BLK: variants seen among roughly 807,000 people sequenced by gnomAD.
BLK encodes the protein tyrosine-protein kinase Blk.
BLK carries 64 observed loss-of-function variants against 61.8 expected under a neutral mutation model. The observed-to-expected ratio is 1.03, with a 90% confidence interval of 0.85 to 1.27. BLK has a LOEUF of 1.27. BLK is among the 50% of genes most tolerant of loss of function. The pLI, the probability that BLK is intolerant of heterozygous loss-of-function variation, is 0.00. For missense variants in BLK, 853 were observed against 660.5 expected, an observed-to-expected ratio of 1.29 and a Z score of -3.19; for synonymous variants, 351 against 272.0, an observed-to-expected ratio of 1.29 and a Z score of -2.86.
chr8:11,506,901 C>T (rs1296277739), intron 1 of BLK, among the ~76,000 whole-genome samples: 3 of 152,208 alleles, frequency 2.0e-5, no homozygotes, highest in Non-Finnish European at 4.4e-5. Context: ...CTCTCAGTCA[C>T]GGGCTGAAAG....
chr8:11,498,782 T>C (rs916133122), intron 1 of BLK, among the ~76,000 whole-genome samples: 1 of 152,230 alleles, frequency 6.6e-6, no homozygotes, highest in African/African-American at 2.4e-5. Flanking sequence ...TCTTCATTCA[T>C]TGATAATAGC....
At chr8:11,559,394 C>T (rs945651849) in intron 10 of BLK, among the ~76,000 whole-genome samples, 2 of 107,334 alleles carry the variant, frequency 1.9e-5, no homozygotes, top group African/African-American at 3.5e-5. Context: ...CACACACAGA[C>T]AGACACACAC....
chr8:11,546,694 G>A (rs529818936), intron 3 of BLK, among the ~76,000 whole-genome samples: 2 of 152,314 alleles, frequency 1.3e-5, no homozygotes, highest in East Asian at 3.9e-4. Context: ...TCCTGCCTCA[G>A]CCTCCCAAGT....
chr8:11,516,719 C>T (rs73209286), intron 1 of BLK, among the ~76,000 whole-genome samples: 19,514 of 152,190 alleles, frequency 0.13, 1,547 homozygotes, highest in East Asian at 0.25. Flanking sequence ...TCACTTAGCA[C>T]AATGCCTTCA....
Position 11,564,391 on chromosome 8 carries a change from G to T in BLK, c.*283G>T. On this transcript the variant is annotated 3_prime_UTR_variant, in exon 13 of 13. Transcript: ENST00000259089. ...GTACTAAGCCCCAGTAAGGTGTTCA[G>T]GACTGGTAAGCGACTGTCATCAAGT... 1.5e-6 allele frequency: 1 copy of T among 658,308 alleles called. No individual in the cohort carries two copies. The highest frequency in any genetic ancestry group is 2.4e-4 in the Middle Eastern group (1 of 4,162). The allele number at this position is 658,308 out of a possible 1,614,324, so 40.8% of individuals were successfully genotyped here.
intron 10 of BLK, among the ~76,000 whole-genome samples, chr8:11,558,241 C>T (rs969102026): frequency 3.9e-5 from 6 of 152,052 alleles, no homozygotes; most frequent in Non-Finnish European, 2.9e-5. Context: ...TCCTGCCCCA[C>T]GCAGCTGTGA....
chr8:11,516,156 C>G (rs1030963336), intron 1 of BLK, among the ~76,000 whole-genome samples: 2 of 152,182 alleles, frequency 1.3e-5, no homozygotes, highest in African/African-American at 4.8e-5. Context: ...AGGAGAGAGT[C>G]AGACACAAAG....
intron 1 of BLK, among the ~76,000 whole-genome samples, chr8:11,512,532 G>A (rs1799056199): frequency 6.6e-6 from 1 of 152,138 alleles, no homozygotes; most frequent in Admixed American, 6.5e-5. Flanking sequence ...AATTATTTTA[G>A]TATTATCAAT....
intron 12 of BLK, 61 bp from the exon 13 acceptor site, chr8:11,563,842 G>A: frequency 6.6e-7 from 1 of 1,507,358 alleles, no homozygotes; most frequent in South Asian, 1.2e-5. Context: ...GGACGCTCAG[G>A]GCCCCCCACC....
At chr8:11,497,101 GA>G (rs1798388026) in intron 1 of BLK, among the ~76,000 whole-genome samples, 1 of 152,164 alleles carries the variant, frequency 6.6e-6, no homozygotes, top group Non-Finnish European at 1.5e-5. Flanking sequence ...CCTGATTAGA[GA>G]AAAGCTTCCA....
rs1800782087 is a variant in BLK, at chr8:11,549,051, A to T, written c.297A>T (p.Ser99=). Residue 99 remains serine (S), a synonymous_variant, in exon 5 of 13, where the codon TCA becomes TCT. Transcript: ENST00000259089. ...KGTGDWWLAR[S]LVTGREGYVP... Reference sequence around the variant, plus strand: ...CTGGAGACTGGTGGCTGGCCAGGTCACTCGTCACAGGAAGAGAAGGCTATG... The same window carrying T: ...CTGGAGACTGGTGGCTGGCCAGGTCTCTCGTCACAGGAAGAGAAGGCTATG... 6.2e-7 allele frequency: 1 copy of T among 1,610,638 alleles called. No individual in the cohort carries two copies. Among genetic ancestry groups the T allele is most frequent in the African/African-American group, 1.3e-5 (1 of 74,840 alleles).
Position 11,563,886 on chromosome 8 carries a change from G to T in BLK, c.1313-17G>T. 7 of 1,605,102 alleles carry T rather than the reference G, an allele frequency of 4.4e-6. No individual in the cohort carries two copies. The highest frequency in any genetic ancestry group is 5.9e-6 in the Non-Finnish European group (7 of 1,177,772). The stretch of plus-strand genomic sequence containing the variant: ...ACCCCAGCCCCTCACCCCCGCTTGC[G>T]GTCTCCTCTGCCGCAGGGATGAGCA... On this transcript the variant is annotated splice_polypyrimidine_tract_variant and intron_variant, in intron 12 of 12. Coordinates refer to ENST00000259089, the MANE Select transcript of BLK (RefSeq NM_001715.3).
chr8:11,543,437 G>T, intron 2 of BLK, 90 bp downstream of exon 2: 1 of 1,540,782 alleles, frequency 6.5e-7, no homozygotes, highest in South Asian at 1.2e-5. Flanking sequence ...TAGCAAAAGT[G>T]CCTTCCTGAT....
At chr8:11,542,752 G>A (rs939047800) in intron 1 of BLK, among the ~76,000 whole-genome samples, 1 of 152,208 alleles carries the variant, frequency 6.6e-6, no homozygotes, top group African/African-American at 2.4e-5. Flanking sequence ...CTGAGAGGGA[G>A]AGAACGTTAG....
chr8:11,544,789 C>T (rs1228268471), intron 2 of BLK, among the ~76,000 whole-genome samples: 1 of 152,102 alleles, frequency 6.6e-6, no homozygotes, highest in East Asian at 1.9e-4. Context: ...TTGCAAAATG[C>T]TACTTCAAAA....
At chr8:11,515,627 G>T (rs889030917) in intron 1 of BLK, among the ~76,000 whole-genome samples, 2 of 151,722 alleles carry the variant, frequency 1.3e-5, no homozygotes, top group South Asian at 4.2e-4. Context: ...TTATTTTTCT[G>T]TCTTTAGAGG....
intron 1 of BLK, among the ~76,000 whole-genome samples, chr8:11,515,400 G>C (rs1198399632): frequency 6.6e-6 from 1 of 152,184 alleles, no homozygotes; most frequent in Non-Finnish European, 1.5e-5. Flanking sequence ...TAGTGCCAGG[G>C]GTCAGCCATG....
chr8:11,531,903 G>T (rs1051267470), intron 1 of BLK, among the ~76,000 whole-genome samples: 12 of 152,184 alleles, frequency 7.9e-5, no homozygotes, highest in African/African-American at 2.7e-4. Flanking sequence ...CTGTTGCCCA[G>T]GCTGGAGTGC....
At chr8:11,526,255 T>C (rs75400329) in intron 1 of BLK, among the ~76,000 whole-genome samples, 3,055 of 152,314 alleles carry the variant, frequency 0.02, 95 homozygotes, top group African/African-American at 0.07. Context: ...TCAGCTGTTT[T>C]GTATCCTAGT....
Sources: gnomAD v4.1 joint callset for allele counts (sites outside exome capture counted in the v4.1 genomes callset) on GRCh38, gnomAD v4.1.1 for gene constraint, MANE v1.5 for transcripts, NCBI Gene and HGNC (gene_info 2026-07-23, HGNC 2026-07-21) for gene names.